The following SRPRB variants were observed in gnomAD, a reference collection of about 807,000 sequenced individuals.
SRPRB encodes the protein SRP receptor subunit beta, also known as signal recognition particle receptor subunit beta.
SRPRB carries 20 observed loss-of-function variants against 31.9 expected under a neutral mutation model. That is an observed-to-expected ratio of 0.63 (90% confidence interval 0.44 to 0.91). The LOEUF (loss-of-function observed/expected upper bound fraction) is 0.91, where lower values mean the gene tolerates loss of function less well. Among genes scored for constraint, SRPRB ranks in the 40% least tolerant of loss-of-function variants. The pLI is 0.00. For synonymous variants in SRPRB, 146 were observed against 132.8 expected (o/e 1.10, Z -0.68); for missense variants, 321 against 324.9 (o/e 0.99, Z 0.09).
At chr3:133,800,544 T>C (rs1357913842) in intron 1 of SRPRB, among the ~76,000 whole-genome samples, 1 of 152,178 alleles carries the variant, frequency 6.6e-6, no homozygotes, top group African/African-American at 2.4e-5. Context: ...GACTGATGGA[T>C]ATAGGGGACT....
At chr3:133,810,506 TGCTCAGTAGGG>T (rs1287917920) in intron 3 of SRPRB, 23 of 152,396 alleles carry the variant, frequency 1.5e-4, no homozygotes, top group African/African-American at 5.5e-4. Context: ...ATCGTAGATT[TGCTCAGTAGGG>T]GCTCAGGAAT....
At chr3:133,806,542 C>A in intron 1 of SRPRB, 67 bp from the exon 2 acceptor site, 1 of 1,223,660 alleles carries the variant, frequency 8.2e-7, no homozygotes, top group Non-Finnish European at 1.2e-6. Flanking sequence ...ATTTCCCCAC[C>A]CCAGCCATGC....
In SRPRB at chr3:133,820,093, T is replaced by G. The variant is rs1935444656; in HGVS notation, c.*327T>G. 4.2e-6 allele frequency: 1 copy of G among 238,922 alleles called. No individual in the cohort carries two copies. Among genetic ancestry groups the G allele is most frequent in the Non-Finnish European group, 8.3e-6 (1 of 120,626 alleles). 14.8% of individuals were successfully genotyped at this position (238,922 alleles called of 1,614,324 possible). A position where few individuals can be genotyped will look rare whatever the true frequency, so the allele number is the denominator to read the frequency against. ...AGAGGATATGATGAGAATATGGCCA[T>G]CACCTGAAAAGTTTTCTTATCTTCT... On this transcript the variant is annotated 3_prime_UTR_variant, in exon 7 of 7. Transcript: ENST00000678299.
chr3:133,826,366 G>A (rs1935563013), downstream of SRPRB: 1 of 152,258 alleles, frequency 6.6e-6, no homozygotes, highest in South Asian at 2.1e-4. Flanking sequence ...CCTGAGAAGG[G>A]AACTGAGTTT....
intron 1 of SRPRB, chr3:133,791,907 T>C (rs555933974): frequency 6.6e-6 from 1 of 152,352 alleles, no homozygotes; most frequent in East Asian, 1.9e-4. Context: ...ATCAAATATT[T>C]TATCAGAAAA....
chr3:133,810,936 G>A (rs1576382990), intron 3 of SRPRB, 181 bp from the exon 4 acceptor site: 2 of 496,904 alleles, frequency 4.0e-6, no homozygotes, highest in East Asian at 3.5e-5. Context: ...ATCAGGAACC[G>A]TGTCTTTGGC....
chr3:133,800,166 G>C (rs1168107442), intron 1 of SRPRB, among the ~76,000 whole-genome samples: 1 of 152,154 alleles, frequency 6.6e-6, no homozygotes, highest in Non-Finnish European at 1.5e-5. Context: ...TCTCTGTGCT[G>C]CTCCATCAGC....
chr3:133,819,584 C>T lies in SRPRB; in HGVS notation c.634C>T (p.Pro212Ser), dbSNP rs1471462595. The change falls in exon 7 of 7, where the codon CCC (proline) becomes TCC (serine). Residue 212 changes from proline to serine, a missense_variant. By Grantham distance (74) the Pro-to-Ser change is moderately conservative. Coordinates refer to ENST00000678299, the MANE Select transcript of SRPRB (RefSeq NM_001379313.1). ...CTTACGAGTTACCCGTTCTGCTGCC[C>T]CCAGCACACTGGACAGTTCCAGCAC... Reference protein sequence around the residue: ...NTLRVTRSAAPSTLDSSSTAP... With the variant: ...NTLRVTRSAASSTLDSSSTAP... The T allele has an allele frequency of 6.2e-7, 1 of 1,614,168 alleles. No individual in the cohort carries two copies. Among genetic ancestry groups the T allele is most frequent in the Non-Finnish European group, 8.5e-7 (1 of 1,180,040 alleles).
At chr3:133,802,183 T>C (rs760133786), upstream of SRPRB, among the ~76,000 whole-genome samples, 3 of 152,180 alleles carry the variant, frequency 2.0e-5, no homozygotes, top group Non-Finnish European at 4.4e-5. Context: ...AGCAGGAGGA[T>C]CACTTGAGCC....
chr3:133,809,478 C>T (rs185413032), intron 3 of SRPRB, among the ~76,000 whole-genome samples: 158 of 151,824 alleles, frequency 1.0e-3, no homozygotes, highest in Non-Finnish European at 1.9e-3. Flanking sequence ...AATATCTTAG[C>T]GATATCTTTG....
chr3:133,800,286 C>A (rs994244608), intron 1 of SRPRB, among the ~76,000 whole-genome samples: 1 of 152,216 alleles, frequency 6.6e-6, no homozygotes, highest in African/African-American at 2.4e-5. Context: ...TAGAGCCAGA[C>A]CTTCCCTATG....
chr3:133,803,885 A>T (rs1362125481), upstream of SRPRB, among the ~76,000 whole-genome samples: 1 of 151,684 alleles, frequency 6.6e-6, no homozygotes, highest in Non-Finnish European at 1.5e-5. Context: ...TCACGAGGTT[A>T]GGAGATCGAG....
chr3:133,784,187 A>G (rs1385838793), intron 1 of SRPRB: 1 of 152,352 alleles, frequency 6.6e-6, no homozygotes, highest in Non-Finnish European at 1.5e-5. Context: ...GTTAGCGGCC[A>G]TCGCCCAGCT....
Position 133,819,922 on chromosome 3 carries a change from T to C in SRPRB, c.*156T>C. ...TACTGTTGAAACCAGCTTGGAATTT[T>C]TTTTTTTTTTTTTTTTAAGTTCAGT... On this transcript the variant is annotated 3_prime_UTR_variant, in exon 7 of 7. Coordinates refer to ENST00000678299, the MANE Select transcript of SRPRB (RefSeq NM_001379313.1). 3.3e-6 allele frequency: 2 copies of C among 605,676 alleles called. No homozygotes were observed. Among genetic ancestry groups the C allele is most frequent in the Non-Finnish European group, 5.5e-6 (2 of 365,254 alleles). 37.5% of individuals were successfully genotyped at this position (605,676 alleles called of 1,614,324 possible). A position where few individuals can be genotyped will look rare whatever the true frequency, so the allele number is the denominator to read the frequency against.
intron 1 of SRPRB, chr3:133,786,590 G>A (rs1471178897): frequency 6.6e-6 from 1 of 152,236 alleles, no homozygotes; most frequent in African/African-American, 2.4e-5. Context: ...CTTTCTAGAT[G>A]TTAAAGAGGT....
At chr3:133,814,804 C>T (rs138836352) in intron 4 of SRPRB, among the ~76,000 whole-genome samples, 206 of 152,304 alleles carry the variant, frequency 1.4e-3, no homozygotes, top group African/African-American at 4.8e-3. Context: ...CTCTTTGTTT[C>T]TGTCACATGA....
upstream of SRPRB, among the ~76,000 whole-genome samples, chr3:133,803,735 C>T (rs568500468): frequency 1.6e-4 from 24 of 150,982 alleles, 1 homozygote; most frequent in African/African-American, 5.8e-4. Context: ...CATGTGATCA[C>T]AGCTCACGGT....
chr3:133,818,653 C>T (rs2107976226), intron 6 of SRPRB, among the ~76,000 whole-genome samples: 1 of 152,184 alleles, frequency 6.6e-6, no homozygotes, highest in East Asian at 1.9e-4. Context: ...ATGCATTAAG[C>T]TTAAAAAATA....
At chr3:133,798,766 C>G (rs563384769) in intron 1 of SRPRB, among the ~76,000 whole-genome samples, 1 of 152,182 alleles carries the variant, frequency 6.6e-6, no homozygotes, top group Admixed American at 6.5e-5. Flanking sequence ...CACACAGGAC[C>G]TAGAAGGACA....
Sources: allele counts gnomAD v4.1 joint callset (sites outside exome capture counted in the v4.1 genomes callset), GRCh38; gene constraint gnomAD v4.1.1; transcripts MANE v1.5; gene names NCBI Gene and HGNC (gene_info 2026-07-23, HGNC 2026-07-21).